The following MAST2 variants were observed in gnomAD, a reference collection of about 807,000 sequenced individuals.
The protein encoded by MAST2 is microtubule-associated serine/threonine-protein kinase 2.
In MAST2, 70 loss-of-function variants were observed where a neutral mutation model predicts 147.4. The ratio of observed to expected loss-of-function variants is 0.47; its 90% confidence interval spans 0.39 to 0.58. MAST2 has a LOEUF of 0.58. Among genes scored for constraint, MAST2 ranks in the 20% least tolerant of loss-of-function variants. MAST2 has a pLI of 0.00. For synonymous variants in MAST2, 869 were observed against 896.8 expected (o/e 0.97, Z 0.55); for missense variants, 2,080 against 2,302.3 (o/e 0.90, Z 1.98).
chr1:46,004,091 G>A (rs12143096), intron 7 of MAST2, among the ~76,000 whole-genome samples: 67,843 of 151,866 alleles, frequency 0.45, 15,346 homozygotes, highest in East Asian at 0.63. Flanking sequence ...CGGGCCAGGC[G>A]CAGTGGCTCA....
chr1:45,959,610 C>A, intron 5 of MAST2, 133 bp downstream of exon 5: 1 of 705,854 alleles, frequency 1.4e-6, no homozygotes, highest in Non-Finnish European at 2.4e-6. Context: ...GCAGACAGAG[C>A]TCATGGGCTT....
chr1:45,954,394 G>A (rs938406042), intron 4 of MAST2, among the ~76,000 whole-genome samples: 1 of 152,146 alleles, frequency 6.6e-6, no homozygotes, highest in Non-Finnish European at 1.5e-5. Context: ...TGCACGATAT[G>A]CCTTAGCCCT....
At chr1:45,814,193 T>C (rs1570180068) in intron 1 of MAST2, among the ~76,000 whole-genome samples, 1 of 152,202 alleles carries the variant, frequency 6.6e-6, no homozygotes. Flanking sequence ...TCTACTGTTA[T>C]TTTAGAGTGT....
At chr1:45,830,167 A>T (rs1397567198) in intron 3 of MAST2, among the ~76,000 whole-genome samples, 1 of 142,268 alleles carries the variant, frequency 7.0e-6, no homozygotes, top group Admixed American at 7.6e-5. Flanking sequence ...TTAAGAATGA[A>T]ATTTTAATTG....
intron 4 of MAST2, among the ~76,000 whole-genome samples, chr1:45,901,034 G>T (rs547486844): frequency 6.6e-6 from 1 of 152,078 alleles, no homozygotes; most frequent in South Asian, 2.1e-4. Flanking sequence ...TTTCGTTTTG[G>T]TCATATTTGT....
At chr1:45,896,888 G>A (rs1648826586) in intron 4 of MAST2, among the ~76,000 whole-genome samples, 1 of 152,160 alleles carries the variant, frequency 6.6e-6, no homozygotes. Flanking sequence ...AGGCCATTCC[G>A]GTTTGCAAGT....
At chr1:45,975,952 G>A (rs1307657683) in intron 5 of MAST2, among the ~76,000 whole-genome samples, 3 of 126,158 alleles carry the variant, frequency 2.4e-5, no homozygotes, top group Non-Finnish European at 5.2e-5. Flanking sequence ...TGCCAAAGGT[G>A]GTTTTTTAAT....
intron 1 of MAST2, 34 bp downstream of exon 1, chr1:45,804,106 G>A: frequency 7.9e-7 from 1 of 1,268,328 alleles, no homozygotes; most frequent in Non-Finnish European, 1.0e-6. Context: ...GGGTGAACCT[G>A]AATGGAAGCC....
chr1:45,841,501 T>C (rs915932099), intron 3 of MAST2, among the ~76,000 whole-genome samples: 2 of 152,008 alleles, frequency 1.3e-5, no homozygotes, highest in African/African-American at 4.8e-5. Context: ...AATACATGTA[T>C]TCCTTATATA....
At chr1:45,913,960 T>G in intron 4 of MAST2, 1 of 992,926 alleles carries the variant, frequency 1.0e-6, no homozygotes, top group Non-Finnish European at 1.3e-6. Flanking sequence ...TTCGTTCATT[T>G]GGATGAAGAC....
intron 1 of MAST2, among the ~76,000 whole-genome samples, chr1:45,817,503 G>A (rs1326172049): frequency 6.6e-6 from 1 of 152,140 alleles, no homozygotes; most frequent in Non-Finnish European, 1.5e-5. Flanking sequence ...ACATGAAGGA[G>A]AAATAACGAC....
At chr1:46,033,699 A>C in intron 26 of MAST2, 103 bp from the exon 27 acceptor site, 1 of 1,446,424 alleles carries the variant, frequency 6.9e-7, no homozygotes, top group South Asian at 1.3e-5. Flanking sequence ...AGGGACAAAA[A>C]GCTGGAGCTG....
At chr1:46,020,323 A>G (rs1281511068) in intron 11 of MAST2, among the ~76,000 whole-genome samples, 4 of 152,126 alleles carry the variant, frequency 2.6e-5, no homozygotes, top group East Asian at 1.9e-4. Context: ...AGTTTCCCAG[A>G]TCGGGAGCAT....
chr1:46,012,995 G>T (rs988022246), intron 10 of MAST2, among the ~76,000 whole-genome samples: 10 of 151,996 alleles, frequency 6.6e-5, no homozygotes, highest in African/African-American at 2.4e-4. Context: ...GCCAGATGCT[G>T]AACGGCCTTG....
At chr1:46,011,271 G>A (rs2149238957) in intron 10 of MAST2, among the ~76,000 whole-genome samples, 1 of 152,336 alleles carries the variant, frequency 6.6e-6, no homozygotes, top group South Asian at 2.1e-4. Flanking sequence ...GGCTCCAGTG[G>A]CTGTGACGGG....
intron 4 of MAST2, among the ~76,000 whole-genome samples, chr1:45,894,628 T>G (rs1648425744): frequency 6.6e-6 from 1 of 152,212 alleles, no homozygotes; most frequent in South Asian, 2.1e-4. Context: ...TCACCAAAAC[T>G]GAATAAATTA....
At chr1:45,879,138 C>A (rs1425514984) in intron 3 of MAST2, among the ~76,000 whole-genome samples, 1 of 150,662 alleles carries the variant, frequency 6.6e-6, no homozygotes, top group African/African-American at 2.4e-5. Context: ...AATAGAGAGC[C>A]CAGAAAGGTT....
intron 4 of MAST2, among the ~76,000 whole-genome samples, chr1:45,896,927 A>G (rs1044834382): frequency 6.6e-6 from 1 of 152,230 alleles, no homozygotes; most frequent in Non-Finnish European, 1.5e-5. Context: ...TTCCAAAAGC[A>G]GGATTGGCCT....
chr1:46,022,802 CA>C (rs1298643232), intron 12 of MAST2, 107 bp from the exon 13 acceptor site: 2 of 827,176 alleles, frequency 2.4e-6, no homozygotes, highest in East Asian at 2.4e-5. Context: ...TAGGCTGATG[CA>C]AAAAGCATTA....
Sources: allele counts gnomAD v4.1 joint callset (sites outside exome capture counted in the v4.1 genomes callset), GRCh38; gene constraint gnomAD v4.1.1; transcripts MANE v1.5; gene names NCBI Gene and HGNC (gene_info 2026-07-23, HGNC 2026-07-21).